The following CNTNAP5 variants were observed in gnomAD, a reference collection of about 807,000 sequenced individuals.
CNTNAP5 encodes the protein contactin-associated protein-like 5.
A neutral mutation model predicts 150.2 loss-of-function variants in CNTNAP5; 72 were observed. The ratio of observed to expected loss-of-function variants is 0.48; its 90% CI spans 0.40 to 0.58. CNTNAP5 has a LOEUF of 0.58. Ranked by LOEUF, CNTNAP5 falls within the 20% of genes least tolerant of loss-of-function variation. CNTNAP5 has a pLI of 0.00. For synonymous variants in CNTNAP5, 672 were observed against 619.8 expected (o/e 1.08, Z -1.25); for missense variants, 1,636 against 1,626.2 (o/e 1.01, Z -0.10).
intron 1 of CNTNAP5, among the ~76,000 whole-genome samples, chr2:124,065,896 A>T (rs543800309): frequency 2.6e-5 from 4 of 152,236 alleles, no homozygotes; most frequent in Non-Finnish European, 5.9e-5. Flanking sequence ...ATCAGCTTAA[A>T]GTCCATCTGC....
chr2:124,387,478 G>A (rs1690959726), intron 3 of CNTNAP5, among the ~76,000 whole-genome samples: 1 of 152,206 alleles, frequency 6.6e-6, no homozygotes. Context: ...GAAGGGAGAT[G>A]GATTATCATT....
intron 13 of CNTNAP5, among the ~76,000 whole-genome samples, chr2:124,714,344 C>T (rs978216804): frequency 6.6e-6 from 1 of 152,088 alleles, no homozygotes; most frequent in African/African-American, 2.4e-5. Context: ...ATTTGTAGTT[C>T]AGAAAATGTT....
At chr2:124,098,287 G>T (rs1442880366) in intron 1 of CNTNAP5, among the ~76,000 whole-genome samples, 6 of 152,150 alleles carry the variant, frequency 3.9e-5, no homozygotes, top group Non-Finnish European at 8.8e-5. Context: ...ACATCATAAA[G>T]GTCCTCATCC....
At chr2:124,483,006 C>T (rs1693795477) in intron 7 of CNTNAP5, among the ~76,000 whole-genome samples, 1 of 152,212 alleles carries the variant, frequency 6.6e-6, no homozygotes, top group South Asian at 2.1e-4. Flanking sequence ...GGATTACTCG[C>T]TGTTTCTGGA....
intron 7 of CNTNAP5, among the ~76,000 whole-genome samples, chr2:124,477,976 T>C (rs1311094232): frequency 6.6e-6 from 1 of 152,090 alleles, no homozygotes; most frequent in Non-Finnish European, 1.5e-5. Flanking sequence ...AAACTGGGGC[T>C]TAAAAGTATA....
At chr2:124,866,556 G>C (rs1677636173) in intron 20 of CNTNAP5, among the ~76,000 whole-genome samples, 2 of 152,134 alleles carry the variant, frequency 1.3e-5, no homozygotes, top group Non-Finnish European at 2.9e-5. Flanking sequence ...TCTTGAAGAT[G>C]AGTAGGAGTT....
rs1680939945 is a variant in CNTNAP5 at position 124,027,846 on chromosome 2, T to C, written c.82+2114T>C. Among the ~76,000 whole-genome samples the C allele has an allele frequency of 2.6e-5, 4 of 152,180 alleles. No homozygotes were observed. The South Asian group carries it at 8.3e-4, about 32-fold the overall frequency. ...TGTACAAAATCTATTAATTGAATAA[T>C]AGAACAGCAGAAAAAAATTAGCTCT... is the stretch of plus-strand genomic sequence containing the variant. On this transcript the variant is annotated intron_variant, in intron 1 of 23. Coordinates refer to ENST00000682447, the MANE Select transcript of CNTNAP5 (RefSeq NM_001367498.1).
intron 11 of CNTNAP5, among the ~76,000 whole-genome samples, chr2:124,609,249 G>C (rs1049356420): frequency 1.3e-5 from 2 of 152,086 alleles, no homozygotes; most frequent in African/African-American, 4.8e-5. Flanking sequence ...CATTTTGAGA[G>C]GCATTACCTC....
intron 10 of CNTNAP5, among the ~76,000 whole-genome samples, chr2:124,531,286 G>A (rs1280948935): frequency 3.9e-5 from 6 of 152,170 alleles, no homozygotes; most frequent in South Asian, 4.2e-4. Context: ...TGTGAGTGAC[G>A]AGGAGTGTCT....
At chr2:124,277,817 G>C (rs1222403226) in intron 3 of CNTNAP5, among the ~76,000 whole-genome samples, 1 of 152,144 alleles carries the variant, frequency 6.6e-6, no homozygotes, top group Non-Finnish European at 1.5e-5. Context: ...AAGTGCAGGA[G>C]CTATGATTTT....
chr2:124,399,411 T>G (rs1691347980), intron 3 of CNTNAP5, among the ~76,000 whole-genome samples: 1 of 152,164 alleles, frequency 6.6e-6, no homozygotes, highest in Admixed American at 6.5e-5. Flanking sequence ...CCTGCAAGAA[T>G]CTGCTATCTC....
intron 19 of CNTNAP5, among the ~76,000 whole-genome samples, chr2:124,803,474 G>A (rs753060631): frequency 1.3e-4 from 20 of 152,082 alleles, no homozygotes; most frequent in African/African-American, 2.2e-4. Context: ...GTCAAATTTA[G>A]AATATGCACT....
chr2:124,806,803 T>C (rs930556048), intron 19 of CNTNAP5, among the ~76,000 whole-genome samples: 3 of 152,218 alleles, frequency 2.0e-5, no homozygotes, highest in African/African-American at 7.2e-5. Context: ...AATGAGATCC[T>C]GTCTGTAAAG....
chr2:124,282,925 A>C (rs1688049300), intron 3 of CNTNAP5, among the ~76,000 whole-genome samples: 1 of 152,110 alleles, frequency 6.6e-6, no homozygotes, highest in Non-Finnish European at 1.5e-5. Context: ...ACAGAAGTCC[A>C]GAGAATGTTA....
At chr2:124,713,219 G>C (rs35987690) in intron 13 of CNTNAP5, among the ~76,000 whole-genome samples, 3,358 of 78,210 alleles carry the variant, frequency 0.043, 419 homozygotes, top group African/African-American at 0.053. Flanking sequence ...TTCTTTCTCT[G>C]TTTCTTTCTT....
intron 10 of CNTNAP5, among the ~76,000 whole-genome samples, chr2:124,561,268 G>A (rs1695884966): frequency 6.6e-6 from 1 of 152,292 alleles, no homozygotes; most frequent in Non-Finnish European, 1.5e-5. Context: ...AAAGGAAACA[G>A]CGTGTGGGGA....
At chr2:124,842,677 T>G (rs1164098010) in intron 19 of CNTNAP5, among the ~76,000 whole-genome samples, 1 of 152,158 alleles carries the variant, frequency 6.6e-6, no homozygotes, top group Non-Finnish European at 1.5e-5. Flanking sequence ...ATTAAAGTGC[T>G]TAGAATAGAG....
chr2:124,629,936 CAAAAAAAAA>C (rs70996084), intron 12 of CNTNAP5, among the ~76,000 whole-genome samples: 7 of 67,772 alleles, frequency 1.0e-4, no homozygotes, highest in African/African-American at 2.6e-4. Flanking sequence ...CACCTCTATG[CAAAAAAAAA>C]AAAAAAAAAA....
chr2:124,642,917 A>G (rs1678123653), intron 12 of CNTNAP5, among the ~76,000 whole-genome samples: 1 of 152,218 alleles, frequency 6.6e-6, no homozygotes, highest in African/African-American at 2.4e-5. Flanking sequence ...ACTGGTTTAT[A>G]TATCAATACA....
Sources: gnomAD v4.1 joint callset for allele counts (sites outside exome capture counted in the v4.1 genomes callset) on GRCh38, gnomAD v4.1.1 for gene constraint, MANE v1.5 for transcripts, NCBI Gene and HGNC (gene_info 2026-07-23, HGNC 2026-07-21) for gene names.